The following WLS variants were observed in gnomAD, a reference collection of about 807,000 sequenced individuals.
The protein encoded by WLS is protein wntless homolog.
Under a neutral mutation model 62.8 loss-of-function variants are expected in WLS, and 23 were observed. The observed-to-expected ratio is 0.37, with a 90% CI of 0.26 to 0.52. WLS has a LOEUF of 0.52. Among genes scored for constraint, WLS ranks in the 20% least tolerant of loss-of-function variants. The probability of loss-of-function intolerance (pLI) is 0.92; values close to 1 mark genes in which losing one functional copy is unlikely to be tolerated. For synonymous variants in WLS, 246 were observed against 244.1 expected (o/e 1.01, Z -0.07); for missense variants, 615 against 697.3 (o/e 0.88, Z 1.33).
chr1:68,232,119 G>A, intron 1 of WLS, 75 bp downstream of exon 1: 1 of 1,588,998 alleles, frequency 6.3e-7, no homozygotes, highest in African/African-American at 1.3e-5. Context: ...ACTGTAACAA[G>A]TAGCCCAAGA....
At chr1:68,193,449 A>G (rs1054520511) in intron 2 of WLS, among the ~76,000 whole-genome samples, 3 of 132,884 alleles carry the variant, frequency 2.3e-5, no homozygotes, top group South Asian at 2.5e-4. Flanking sequence ...AAAACGAAAA[A>G]AAAACCTGGT....
intron 2 of WLS, among the ~76,000 whole-genome samples, chr1:68,180,973 T>C (rs1647533455): frequency 6.6e-6 from 1 of 152,234 alleles, no homozygotes; most frequent in Non-Finnish European, 1.5e-5. Flanking sequence ...GAACTGTTTC[T>C]AGCATCAGTG....
At chr1:68,176,796 T>C (rs866194024) in intron 2 of WLS, among the ~76,000 whole-genome samples, 7 of 152,238 alleles carry the variant, frequency 4.6e-5, no homozygotes, top group Admixed American at 3.9e-4. Context: ...CATAATTTCA[T>C]ACTTGTTTAA....
chr1:68,196,309 C>T (rs2100611324), intron 1 of WLS, among the ~76,000 whole-genome samples: 1 of 151,834 alleles, frequency 6.6e-6, no homozygotes, highest in East Asian at 1.9e-4. Context: ...TATGTGGGTC[C>T]TACTAGTATA....
intron 5 of WLS, among the ~76,000 whole-genome samples, chr1:68,151,460 T>C (rs1277067033): frequency 6.6e-6 from 1 of 152,198 alleles, no homozygotes; most frequent in East Asian, 1.9e-4. Context: ...ATTAAACTCC[T>C]ACTATGTGTC....
intron 2 of WLS, among the ~76,000 whole-genome samples, chr1:68,175,449 T>G (rs2100552227): frequency 6.6e-6 from 1 of 152,360 alleles, no homozygotes; most frequent in Middle Eastern, 3.4e-3. Context: ...CACCCGCTTC[T>G]TGCTCTAAAA....
intron 2 of WLS, among the ~76,000 whole-genome samples, chr1:68,188,744 G>A (rs190926937): frequency 1.3e-4 from 20 of 152,330 alleles, no homozygotes; most frequent in Admixed American, 1.1e-3. Context: ...AAGACGCAAA[G>A]GGAGAAACTC....
intron 2 of WLS, chr1:68,176,402 T>C (rs539803932): frequency 7.2e-6 from 1 of 138,330 alleles, no homozygotes; most frequent in Non-Finnish European, 1.6e-5. Flanking sequence ...TGCCCTCCCG[T>C]TGGGAAAACC....
rs775326068 is a variant in WLS at position 68,155,166 on chromosome 1, C to T, written c.599G>A (p.Arg200Gln). 48 of 1,613,814 alleles carry T rather than the reference C, an allele frequency of 3.0e-5. No individual in the cohort carries two copies. Among genetic ancestry groups the T allele is most frequent in the Middle Eastern group, 1.6e-4 (1 of 6,084 alleles). ...TTTCTTCTTCTCATTCACAGGCAGC[C>T]GGATGTTTAAAAGGTAAAACTTATG... The part of the protein sequence containing the change: ...VAHKFYLLNI[R>Q]LPVNEKKKIN... The change falls in exon 4 of 12, where the codon CGG (arginine) becomes CAG (glutamine). Residue 200 changes from arginine to glutamine, a missense_variant. Arg to Gln is a conservative substitution (Grantham distance 43). Transcript: ENST00000262348.
intron 2 of WLS, among the ~76,000 whole-genome samples, chr1:68,185,948 A>G (rs1647912447): frequency 6.6e-6 from 1 of 152,160 alleles, no homozygotes. Flanking sequence ...TGGGGCTGAA[A>G]TTAGTTCCCC....
At chr1:68,101,039 C>A (rs1193137022) in intron 11 of WLS, among the ~76,000 whole-genome samples, 1 of 152,194 alleles carries the variant, frequency 6.6e-6, no homozygotes, top group Admixed American at 6.5e-5. Flanking sequence ...TGCTTTACCC[C>A]TCTCTCCCTT....
intron 1 of WLS, among the ~76,000 whole-genome samples, chr1:68,198,098 C>T (rs1440297310): frequency 1.3e-5 from 2 of 152,136 alleles, no homozygotes; most frequent in African/African-American, 4.8e-5. Flanking sequence ...TGCCTCAGCA[C>T]ACATTATAAA....
chr1:68,131,492 T>C (rs1646524005), intron 11 of WLS, among the ~76,000 whole-genome samples: 1 of 151,984 alleles, frequency 6.6e-6, no homozygotes. Context: ...TTAAGAGCCC[T>C]GGGTCCAGTT....
At chr1:68,167,952 T>C (rs983147614) in intron 2 of WLS, among the ~76,000 whole-genome samples, 5 of 152,102 alleles carry the variant, frequency 3.3e-5, no homozygotes, top group African/African-American at 1.2e-4. Flanking sequence ...CCTTTCCATG[T>C]TGGGAAGCAT....
intron 5 of WLS, among the ~76,000 whole-genome samples, 173 bp downstream of exon 5, chr1:68,153,344 T>C (rs980370734): frequency 5.9e-5 from 9 of 152,110 alleles, no homozygotes; most frequent in South Asian, 2.1e-4. Context: ...ATTTACTTAA[T>C]AACAACTTGC....
At chr1:68,110,754 T>G (rs1248720493) in intron 11 of WLS, among the ~76,000 whole-genome samples, 2 of 151,938 alleles carry the variant, frequency 1.3e-5, no homozygotes, top group African/African-American at 4.8e-5. Flanking sequence ...TGTGTATATA[T>G]ATATATATTT....
At chr1:68,133,341 G>A (rs764280353) in intron 11 of WLS, among the ~76,000 whole-genome samples, 4 of 152,152 alleles carry the variant, frequency 2.6e-5, no homozygotes, top group Non-Finnish European at 5.9e-5. Context: ...AGAATGTGGC[G>A]CCACACTCCC....
At chr1:68,126,663 G>C (rs1413619784) in intron 11 of WLS, among the ~76,000 whole-genome samples, 1 of 152,136 alleles carries the variant, frequency 6.6e-6, no homozygotes, top group Non-Finnish European at 1.5e-5. Context: ...CTTTGTAAGT[G>C]ATCTTCTTTA....
intron 3 of WLS, among the ~76,000 whole-genome samples, chr1:68,158,456 A>G (rs1306307877): frequency 6.6e-6 from 1 of 152,186 alleles, no homozygotes; most frequent in Non-Finnish European, 1.5e-5. Flanking sequence ...ATGTTAAATT[A>G]GAAGGTCATC....
Sources: allele counts gnomAD v4.1 joint callset (sites outside exome capture counted in the v4.1 genomes callset), GRCh38; gene constraint gnomAD v4.1.1; transcripts MANE v1.5; gene names NCBI Gene and HGNC (gene_info 2026-07-23, HGNC 2026-07-21).